The following MMRN1 variants were observed in gnomAD, a reference collection of about 807,000 sequenced individuals.
MMRN1 encodes multimerin 1.
Under a neutral mutation model 100.7 loss-of-function variants are expected in MMRN1, and 94 were observed. The ratio of observed to expected loss-of-function variants is 0.93; its 90% confidence interval spans 0.79 to 1.11. The LOEUF (loss-of-function observed/expected upper bound fraction) is 1.11, where lower values mean the gene tolerates loss of function less well. Ranked by LOEUF, MMRN1 falls within the 50% of genes least tolerant of loss-of-function variation. The pLI, the probability that MMRN1 is intolerant of heterozygous loss-of-function variation, is 0.00. For synonymous variants in MMRN1, 575 were observed against 505.0 expected (o/e 1.14, Z -1.86); for missense variants, 1,606 against 1,439.1 (o/e 1.12, Z -1.88).
At chr4:89,947,096 A>G (rs1330404617) in intron 6 of MMRN1, among the ~76,000 whole-genome samples, 1 of 152,148 alleles carries the variant, frequency 6.6e-6, no homozygotes, top group Non-Finnish European at 1.5e-5. Flanking sequence ...AGCTTGGCCC[A>G]CACGGTGAAA....
At chr4:89,889,895 C>A (rs997478127), upstream of MMRN1, among the ~76,000 whole-genome samples, 1 of 152,108 alleles carries the variant, frequency 6.6e-6, no homozygotes, top group Non-Finnish European at 1.5e-5. Context: ...AGACCCACCC[C>A]TGCATTTCTA....
intron 1 of MMRN1, 46 bp downstream of exon 1, chr4:89,895,640 C>A: frequency 6.6e-7 from 1 of 1,514,862 alleles, no homozygotes; most frequent in South Asian, 1.3e-5. Flanking sequence ...TCTATCAGGT[C>A]TAGAAGATTG....
intron 6 of MMRN1, among the ~76,000 whole-genome samples, chr4:89,941,380 A>G (rs1375253804): frequency 6.6e-6 from 1 of 152,198 alleles, no homozygotes; most frequent in Non-Finnish European, 1.5e-5. Flanking sequence ...ATTTAGGCAC[A>G]GGATTTTTTA....
At chr4:89,891,338 A>G (rs1195532830), upstream of MMRN1, among the ~76,000 whole-genome samples, 3 of 152,168 alleles carry the variant, frequency 2.0e-5, no homozygotes, top group East Asian at 1.9e-4. Context: ...TGTTATCACT[A>G]TACATAGGAG....
In MMRN1 at chr4:89,924,981, A is replaced by C. The variant is rs556623715; in HGVS notation, c.955+1709A>C. ...TCACATAATGGAGAATGAGGTATCC[A>C]TCCCCTCAAGCATTTATCCTTTCGG... On this transcript the variant is annotated intron_variant, in intron 4 of 7. Transcript: ENST00000264790. 2.6e-5 allele frequency among the ~76,000 whole-genome samples: 4 copies of C among 152,258 alleles called. No individual in the cohort carries two copies. The East Asian group carries it at 7.7e-4, about 29-fold the overall frequency.
chr4:89,894,822 C>T (rs140764350), upstream of MMRN1: 744 of 1,356,664 alleles, frequency 5.5e-4, 6 homozygotes, highest in African/African-American at 8.5e-3. Flanking sequence ...TTCCTGAGTA[C>T]GCTACAAAAC....
At chr4:89,944,108 T>A (rs962962188) in intron 6 of MMRN1, among the ~76,000 whole-genome samples, 1 of 152,226 alleles carries the variant, frequency 6.6e-6, no homozygotes, top group African/African-American at 2.4e-5. Context: ...CTATTTTGAA[T>A]GTGAAAGAAA....
At chr4:89,880,546 T>C (rs1308439770) in intron 1 of MMRN1, among the ~76,000 whole-genome samples, 1 of 152,172 alleles carries the variant, frequency 6.6e-6, no homozygotes, top group Non-Finnish European at 1.5e-5. Flanking sequence ...TAGAAGGCTC[T>C]GTGGTGCTTA....
intron 6 of MMRN1, among the ~76,000 whole-genome samples, chr4:89,949,023 C>G (rs987020389): frequency 6.6e-6 from 1 of 152,080 alleles, no homozygotes; most frequent in African/African-American, 2.4e-5. Context: ...AAATAGCACC[C>G]TCTGAAATGA....
intron 6 of MMRN1, among the ~76,000 whole-genome samples, chr4:89,942,090 G>A (rs568269671): frequency 6.6e-6 from 1 of 152,216 alleles, no homozygotes; most frequent in East Asian, 1.9e-4. Context: ...CACATTCTCT[G>A]AACCAAAATG....
intron 5 of MMRN1, among the ~76,000 whole-genome samples, chr4:89,928,899 C>T (rs1438413849): frequency 6.6e-6 from 1 of 152,016 alleles, no homozygotes; most frequent in African/African-American, 2.4e-5. Flanking sequence ...ATATGGACAC[C>T]TTGGGGGAAA....
chr4:89,934,929 T>C lies in MMRN1; in HGVS notation c.1249T>C (p.Ser417Pro), dbSNP rs770332673. The stretch of plus-strand genomic sequence containing the variant: ...GCTCTTCAAGACTGTATCAAGTCTA[T>C]CAGAGGACCTCGAAAGCACCAGGCA... The part of the protein sequence containing the change: ...AQLFKTVSSL[S>P]EDLESTRQII... Residue 417 changes from serine to proline, a missense_variant, in exon 6 of 8, where the codon TCA becomes CCA. Ser to Pro is a moderately conservative substitution (Grantham distance 74). Coordinates refer to ENST00000264790, the MANE Select transcript of MMRN1 (RefSeq NM_007351.3). 1.3e-5 allele frequency: 21 copies of C among 1,613,568 alleles called. No homozygotes were observed. Among genetic ancestry groups the C allele is most frequent in the Non-Finnish European group, 8.5e-7 (1 of 1,179,764 alleles).
upstream of MMRN1, among the ~76,000 whole-genome samples, chr4:89,893,978 T>A (rs1377364453): frequency 1.4e-4 from 21 of 152,134 alleles, no homozygotes; most frequent in Admixed American, 1.4e-3. Context: ...AAAACTCAGA[T>A]AAATCTGGTT....
rs780104948 is a variant in MMRN1 at position 89,951,649 on chromosome 4, A to T, written c.3163A>T (p.Thr1055Ser). 6.4e-7 allele frequency: 1 copy of T among 1,565,950 alleles called. No homozygotes were observed. Among genetic ancestry groups the T allele is most frequent in the Non-Finnish European group, 8.6e-7 (1 of 1,161,582 alleles). Residue 1055 changes from threonine to serine, a missense_variant, in exon 7 of 8, where the codon ACG becomes TCG. Coordinates refer to ENST00000264790, the MANE Select transcript of MMRN1 (RefSeq NM_007351.3). ...CSRHPCQNGGTCINGRTSFTC... is the reference protein window; with the variant it reads ...CSRHPCQNGGSCINGRTSFTC... ...TCGGCATCCGTGCCAAAATGGGGGC[A>T]CGTGCATAAATGGAAGAACTAGCTT...
upstream of MMRN1, among the ~76,000 whole-genome samples, chr4:89,892,991 C>T (rs1450553614): frequency 1.6e-4 from 25 of 151,980 alleles, no homozygotes; most frequent in Admixed American, 1.4e-3. Flanking sequence ...TAAATAGGAA[C>T]ATTTTTCCTA....
intron 6 of MMRN1, among the ~76,000 whole-genome samples, chr4:89,945,227 T>C (rs930796688): frequency 3.9e-5 from 6 of 152,240 alleles, no homozygotes; most frequent in Admixed American, 3.3e-4. Flanking sequence ...ATATACAATT[T>C]CTTTATCTAT....
chr4:89,929,492 C>T (rs1722370146), intron 5 of MMRN1, among the ~76,000 whole-genome samples: 1 of 152,064 alleles, frequency 6.6e-6, no homozygotes, highest in Non-Finnish European at 1.5e-5. Flanking sequence ...GAAGTGACAG[C>T]ATGAGAAAGA....
Position 89,936,280 on chromosome 4 carries a change from C to T in MMRN1, c.2600C>T (p.Ser867Phe). The T allele has an allele frequency of 6.2e-7, 1 of 1,610,466 alleles. No homozygotes were observed. The highest frequency in any genetic ancestry group is 8.5e-7 in the Non-Finnish European group (1 of 1,179,018). The change falls in exon 6 of 8, where the codon TCT (serine) becomes TTT (phenylalanine). Residue 867 changes from serine to phenylalanine, a missense_variant. Ser to Phe is a radical substitution (Grantham distance 155). Coordinates refer to ENST00000264790, the MANE Select transcript of MMRN1 (RefSeq NM_007351.3). ...NFETRLQDIE[S>F]KVTQTLIPYY... Reference sequence around the variant, plus strand: ...GAGACTCGGTTGCAAGACATTGAGTCTAAAGTTACCCAGACGCTCATACCT... The same window carrying T: ...GAGACTCGGTTGCAAGACATTGAGTTTAAAGTTACCCAGACGCTCATACCT...
rs917449670 is a variant in MMRN1 at position 89,923,043 on chromosome 4, C to A, written c.851-125C>A. 10 of 748,842 alleles carry A rather than the reference C, an allele frequency of 1.3e-5. No homozygotes were observed. In the Admixed American group the frequency reaches 1.5e-4, roughly 11 times the overall value. The allele number at this position is 748,842 out of a possible 1,614,324, so 46.4% of individuals were successfully genotyped here. A position where few individuals can be genotyped will look rare whatever the true frequency, so the allele number is the denominator to read the frequency against. On this transcript the variant is annotated intron_variant, in intron 3 of 7. Coordinates refer to ENST00000264790, the MANE Select transcript of MMRN1 (RefSeq NM_007351.3). ...GGGGCGGAGCAGCTTACTCTGCAAT[C>A]ATCCCCGACCATCATGCTTCAGTAC...
Sources: gnomAD v4.1 joint callset for allele counts (sites outside exome capture counted in the v4.1 genomes callset) on GRCh38, gnomAD v4.1.1 for gene constraint, MANE v1.5 for transcripts, NCBI Gene and HGNC (gene_info 2026-07-23, HGNC 2026-07-21) for gene names.